Variants in SLC67A1 observed in about 807,000 individuals in gnomAD.
SLC67A1 encodes solute carrier family 67 member 1.
chr11:2,909,580 GC>G, the SLC67A1 span: 1 of 1,527,860 alleles, frequency 6.5e-7, no homozygotes. Context: ...GTCCCCAGCC[GC>G]CCAGATGGTC....
the SLC67A1 span, chr11:2,909,932 G>T: frequency 2.1e-6 from 1 of 487,768 alleles, no homozygotes; most frequent in Non-Finnish European, 3.6e-6. Flanking sequence ...GTGCTGTCCG[G>T]GGCGCGACTG....
At chr11:2,915,023 G>A in the SLC67A1 span, 11 of 985,340 alleles carry the variant, frequency 1.1e-5, no homozygotes, top group African/African-American at 3.5e-5. Context: ...AGTAGCTGAC[G>A]TCCTGGGCGG....
chr11:2,901,530 C>T, the SLC67A1 span, among the ~76,000 whole-genome samples: 3 of 152,218 alleles, frequency 2.0e-5, no homozygotes, highest in Non-Finnish European at 2.9e-5. Context: ...CAGTCAGGGG[C>T]ACGGAGAATG....
chr11:2,903,539 G>A, the SLC67A1 span: 3 of 1,602,104 alleles, frequency 1.9e-6, no homozygotes, highest in East Asian at 6.7e-5. Flanking sequence ...CTGAACCGCT[G>A]TTCCTCCTGC....
At chr11:2,915,094 G>T in the SLC67A1 span, 1 of 985,430 alleles carries the variant, frequency 1.0e-6, no homozygotes, top group Non-Finnish European at 1.2e-6. Context: ...CACAGGTGGG[G>T]TGGATATGCC....
chr11:2,916,257 G>T, the SLC67A1 span: 99 of 225,734 alleles, frequency 4.4e-4, 1 homozygote, highest in South Asian at 0.012. Flanking sequence ...ATGCACACCA[G>T]GCTTGCCCTT....
the SLC67A1 span, chr11:2,909,053 C>A: frequency 1.4e-6 from 1 of 722,660 alleles, no homozygotes; most frequent in Non-Finnish European, 2.1e-6. Context: ...GGAGGCCTCC[C>A]AGCAGCCGCC....
the SLC67A1 span, chr11:2,919,332 C>A: frequency 6.2e-7 from 1 of 1,613,906 alleles, no homozygotes; most frequent in Non-Finnish European, 8.5e-7. Context: ...TGTTCTCCAT[C>A]ATCTCCATGG....
At chr11:2,913,238 C>G in the SLC67A1 span, among the ~76,000 whole-genome samples, 52 of 152,294 alleles carry the variant, frequency 3.4e-4, no homozygotes, top group East Asian at 8.9e-3. Flanking sequence ...TCGTGTACCT[C>G]GCAGTGCCCA....
the SLC67A1 span, among the ~76,000 whole-genome samples, chr11:2,914,104 C>T: frequency 6.7e-4 from 102 of 152,222 alleles, 1 homozygote; most frequent in Non-Finnish European, 8.2e-4. Context: ...AGAGAAGGGA[C>T]AGAGGCTGTG....
chr11:2,908,407 C>A, the SLC67A1 span: 1 of 1,120,322 alleles, frequency 8.9e-7, no homozygotes, highest in Non-Finnish European at 1.3e-6. Context: ...CTCAGACGGG[C>A]CAGGTTCCCT....
At chr11:2,921,901 C>A in the SLC67A1 span, 3 of 607,832 alleles carry the variant, frequency 4.9e-6, no homozygotes, top group Admixed American at 5.8e-5. Context: ...TCAGGGATCT[C>A]AGACCCATCC....
chr11:2,904,309 C>T, the SLC67A1 span, among the ~76,000 whole-genome samples: 3 of 152,138 alleles, frequency 2.0e-5, no homozygotes, highest in Admixed American at 6.5e-5. Context: ...GGCATCTAGG[C>T]GGGAGTGGGG....
chr11:2,899,733 G>A, the SLC67A1 span: 2 of 1,444,762 alleles, frequency 1.4e-6, no homozygotes, highest in African/African-American at 1.4e-5. Flanking sequence ...CAAAAAAAAA[G>A]GTCTCTCCGA....
chr11:2,914,561 C>T, the SLC67A1 span: 1 of 235,776 alleles, frequency 4.2e-6, no homozygotes, highest in Non-Finnish European at 6.9e-6. Context: ...GTGGTGGGAC[C>T]TGACTCCCTA....
chr11:2,919,767 G>C, the SLC67A1 span: 5 of 265,674 alleles, frequency 1.9e-5, no homozygotes, highest in Non-Finnish European at 2.9e-5. Flanking sequence ...GACCTAACGT[G>C]GCAAAGTGGT....
chr11:2,922,702 T>TCTGTGTGGAGTGGGTGGGGTGGGGGGGGG, the SLC67A1 span: 1 of 16,546 alleles, frequency 6.0e-5, no homozygotes, highest in African/African-American at 2.0e-4. Flanking sequence ...GTGGGTGGGG[T>TCTGTGTGGAGTGGGTGGGGTGGGGGGGGG]GGGGGCTTGG....
At chr11:2,917,052 T>C in the SLC67A1 span, 1 of 320,830 alleles carries the variant, frequency 3.1e-6, no homozygotes. Flanking sequence ...CAGAGAGGCC[T>C]GGGGAGGACC....
chr11:2,919,492 C>CCTCCGCCGG, the SLC67A1 span: 3 of 1,014,784 alleles, frequency 3.0e-6, no homozygotes, highest in Non-Finnish European at 4.6e-6. Context: ...TCCTCCCCGG[C>CCTCCGCCGG]GGAGGCTGGG....
Sources: gnomAD v4.1 joint callset for allele counts (sites outside exome capture counted in the v4.1 genomes callset) on GRCh38, gnomAD v4.1.1 for gene constraint, MANE v1.5 for transcripts, NCBI Gene and HGNC (gene_info 2026-07-23, HGNC 2026-07-21) for gene names.